SLC35F1: variants seen among roughly 807,000 people sequenced by gnomAD.
SLC35F1 encodes the protein chromosome 6 open reading frame 169.
A neutral mutation model predicts 48.7 loss-of-function variants in SLC35F1; 14 were observed. The ratio of observed to expected loss-of-function variants is 0.29; its 90% CI spans 0.19 to 0.45. The LOEUF is 0.45. Ranked by LOEUF, SLC35F1 falls within the 20% of genes least tolerant of loss-of-function variation. The pLI, the probability that SLC35F1 is intolerant of heterozygous loss-of-function variation, is 1.00. For synonymous variants in SLC35F1, 190 were observed against 202.2 expected (o/e 0.94, Z 0.51); for missense variants, 404 against 500.0 (o/e 0.81, Z 1.83).
chr6:118,261,755 C>T (rs75761607), intron 3 of SLC35F1, among the ~76,000 whole-genome samples: 7,457 of 152,172 alleles, frequency 0.049, 642 homozygotes, highest in African/African-American at 0.17. Flanking sequence ...AGCAGCTGGC[C>T]ACCCACTTGG....
chr6:118,045,617 T>G (rs2114905532), intron 1 of SLC35F1, among the ~76,000 whole-genome samples: 1 of 152,336 alleles, frequency 6.6e-6, no homozygotes, highest in South Asian at 2.1e-4. Flanking sequence ...CTTTGGGATT[T>G]ACTGGGGATC....
intron 1 of SLC35F1, among the ~76,000 whole-genome samples, chr6:118,020,318 C>T (rs1374591574): frequency 6.6e-6 from 1 of 152,208 alleles, no homozygotes; most frequent in Non-Finnish European, 1.5e-5. Flanking sequence ...ATTATTAGGA[C>T]ATACTGTGCT....
At chr6:118,188,256 T>C (rs920237984) in intron 2 of SLC35F1, among the ~76,000 whole-genome samples, 1 of 152,138 alleles carries the variant, frequency 6.6e-6, no homozygotes, top group African/African-American at 2.4e-5. Context: ...AATCACAGTA[T>C]AGGAAAAACT....
intron 2 of SLC35F1, among the ~76,000 whole-genome samples, chr6:118,182,452 G>A (rs565829695): frequency 5.6e-4 from 84 of 149,040 alleles, no homozygotes; most frequent in African/African-American, 2.0e-3. Flanking sequence ...TGTTCACACC[G>A]CTGCACTCCA....
At position 117,991,243 on chromosome 6, in the gene SLC35F1, A is replaced by C. The variant is rs1030110474; in HGVS notation, c.173+83344A>C. Among the ~76,000 whole-genome samples, 7 of 152,182 alleles carry C rather than the reference A, an allele frequency of 4.6e-5. No individual in the cohort carries two copies. The East Asian group carries it at 1.3e-3, about 29-fold the overall frequency. On this transcript the variant is annotated intron_variant, in intron 1 of 7. Transcript: ENST00000360388. ...TAACTGTGATATGATTTTGTACATG[A>C]TGACTAATTCATTGCTTTTAGTTTT...
At chr6:118,025,951 A>G (rs2061029090) in intron 1 of SLC35F1, among the ~76,000 whole-genome samples, 1 of 152,212 alleles carries the variant, frequency 6.6e-6, no homozygotes, top group South Asian at 2.1e-4. Flanking sequence ...CACCAAATAA[A>G]GAGCAAATTT....
chr6:117,950,398 C>T (rs944885163), intron 1 of SLC35F1, among the ~76,000 whole-genome samples: 7 of 152,132 alleles, frequency 4.6e-5, no homozygotes, highest in African/African-American at 7.2e-5. Context: ...ACACAGTTCT[C>T]TGTTACTGTG....
chr6:118,246,911 T>C (rs1775514772), intron 3 of SLC35F1, among the ~76,000 whole-genome samples: 1 of 152,196 alleles, frequency 6.6e-6, no homozygotes, highest in African/African-American at 2.4e-5. Flanking sequence ...CTTTTAACAG[T>C]GCCCCCACTG....
At chr6:118,025,177 G>T (rs1008492549) in intron 1 of SLC35F1, among the ~76,000 whole-genome samples, 2 of 152,138 alleles carry the variant, frequency 1.3e-5, no homozygotes, top group African/African-American at 4.8e-5. Flanking sequence ...CACATTAAAT[G>T]TAGTTGTATA....
intron 2 of SLC35F1, among the ~76,000 whole-genome samples, chr6:118,232,125 C>G (rs533042724): frequency 6.6e-6 from 1 of 152,288 alleles, no homozygotes; most frequent in Non-Finnish European, 1.5e-5. Context: ...GACTGCCTGA[C>G]ATGCACTGTG....
intron 3 of SLC35F1, among the ~76,000 whole-genome samples, chr6:118,266,743 G>T (rs1775778737): frequency 6.6e-6 from 1 of 152,112 alleles, no homozygotes; most frequent in Non-Finnish European, 1.5e-5. Flanking sequence ...TTCACCACCA[G>T]CCTGTCTTAT....
intron 1 of SLC35F1, among the ~76,000 whole-genome samples, chr6:118,107,418 C>T (rs191194922): frequency 6.4e-4 from 98 of 152,276 alleles, no homozygotes; most frequent in Admixed American, 2.0e-3. Flanking sequence ...TGAGTGACTA[C>T]AGGGGGAACA....
chr6:117,982,695 A>G (rs1237825085), intron 1 of SLC35F1, among the ~76,000 whole-genome samples: 1 of 152,228 alleles, frequency 6.6e-6, no homozygotes, highest in Non-Finnish European at 1.5e-5. Flanking sequence ...TATGAACATT[A>G]TCAGTGAGAA....
intron 3 of SLC35F1, among the ~76,000 whole-genome samples, chr6:118,245,707 A>G (rs960756349): frequency 2.0e-5 from 3 of 152,120 alleles, no homozygotes; most frequent in African/African-American, 7.2e-5. Flanking sequence ...AGATGTCTAA[A>G]CATCTTCCAG....
intron 1 of SLC35F1, among the ~76,000 whole-genome samples, chr6:117,954,137 A>C (rs531917895): frequency 6.6e-6 from 1 of 152,362 alleles, no homozygotes; most frequent in Non-Finnish European, 1.5e-5. Flanking sequence ...AACAGGTTAC[A>C]GTGGCTTCAT....
chr6:118,289,226 C>T (rs1266976501), intron 7 of SLC35F1, among the ~76,000 whole-genome samples: 1 of 152,218 alleles, frequency 6.6e-6, no homozygotes, highest in Non-Finnish European at 1.5e-5. Context: ...GGATATGCCA[C>T]AGTTTATTTA....
intron 1 of SLC35F1, among the ~76,000 whole-genome samples, chr6:118,080,126 G>A (rs898388013): frequency 2.6e-5 from 4 of 152,148 alleles, no homozygotes; most frequent in Non-Finnish European, 5.9e-5. Flanking sequence ...TTTCTGAATG[G>A]TACCTACCAG....
At chr6:117,953,424 CAT>C (rs1471775366) in intron 1 of SLC35F1, among the ~76,000 whole-genome samples, 1 of 151,932 alleles carries the variant, frequency 6.6e-6, no homozygotes, top group Admixed American at 6.6e-5. Flanking sequence ...ATATACATGT[CAT>C]ATACATAAGA....
At chr6:118,228,538 A>G (rs778497609) in intron 2 of SLC35F1, among the ~76,000 whole-genome samples, 11 of 152,032 alleles carry the variant, frequency 7.2e-5, no homozygotes, top group Non-Finnish European at 1.6e-4. Context: ...TCCCGACTCT[A>G]TAAAAATTGG....
Sources: allele counts gnomAD v4.1 joint callset (sites outside exome capture counted in the v4.1 genomes callset), GRCh38; gene constraint gnomAD v4.1.1; transcripts MANE v1.5; gene names NCBI Gene and HGNC (gene_info 2026-07-23, HGNC 2026-07-21).